The following PIP5K1B variants were observed in gnomAD, a reference collection of about 807,000 sequenced individuals.
The protein encoded by PIP5K1B is phosphatidylinositol 4-phosphate 5-kinase type-1 beta.
In PIP5K1B, 42 loss-of-function variants were observed where a neutral mutation model predicts 67.0. The observed-to-expected ratio is 0.63, with a 90% CI of 0.49 to 0.81. PIP5K1B has a LOEUF of 0.81. PIP5K1B is among the 30% of genes least tolerant of loss of function. The pLI, the probability that PIP5K1B is intolerant of heterozygous loss-of-function variation, is 0.00. For synonymous variants in PIP5K1B, 214 were observed against 231.4 expected, an observed-to-expected ratio of 0.92 and a Z score of 0.68; for missense variants, 459 against 646.3, an observed-to-expected ratio of 0.71 and a Z score of 3.14.
At chr9:68,929,196 C>T (rs904626753) in intron 12 of PIP5K1B, among the ~76,000 whole-genome samples, 2 of 148,418 alleles carry the variant, frequency 1.3e-5, no homozygotes, top group African/African-American at 5.0e-5. Flanking sequence ...AGTAAGGTGA[C>T]TGCTGTATCC....
At chr9:68,739,268 A>G (rs10735624) in intron 1 of PIP5K1B, among the ~76,000 whole-genome samples, 143,703 of 152,294 alleles carry the variant, frequency 0.94, 67,883 homozygotes, top group Non-Finnish European at 0.96. Context: ...TTCCCCTCTT[A>G]TCAGTCCTCA....
intron 1 of PIP5K1B, among the ~76,000 whole-genome samples, chr9:68,739,192 C>T (rs1483983978): frequency 4.6e-5 from 7 of 152,342 alleles, no homozygotes; most frequent in South Asian, 2.1e-4. Flanking sequence ...CATATCTTCA[C>T]ATTATCATTT....
intron 6 of PIP5K1B, among the ~76,000 whole-genome samples, chr9:68,879,567 C>CA (rs1226009452): frequency 4.7e-5 from 7 of 150,376 alleles, no homozygotes; most frequent in African/African-American, 1.7e-4. Context: ...GACTCCATCT[C>CA]AAAAAAATAA....
chr9:68,784,608 A>C (rs1230738587), intron 2 of PIP5K1B: 1 of 166,994 alleles, frequency 6.0e-6, no homozygotes, highest in Non-Finnish European at 1.5e-5. Context: ...AAATGAGGAA[A>C]GTGAGTCTGA....
At chr9:68,922,112 G>A (rs1293810389) in intron 11 of PIP5K1B, among the ~76,000 whole-genome samples, 2 of 152,094 alleles carry the variant, frequency 1.3e-5, no homozygotes, top group African/African-American at 4.8e-5. Flanking sequence ...CTGCCTTGTT[G>A]GAAGAATGTG....
rs58082390 is a variant in PIP5K1B at position 68,723,179 on chromosome 9, T to A, written c.-243+17417T>A. Among the ~76,000 whole-genome samples, 395 of 116,912 alleles carry A rather than the reference T, an allele frequency of 3.4e-3. 2 individuals carry two copies. Among genetic ancestry groups the A allele is most frequent in the Middle Eastern group, 0.013 (3 of 236 alleles). The allele number at this position is 116,912 out of a possible 152,430, so 76.7% of individuals were successfully genotyped here. On this transcript the variant is annotated intron_variant, in intron 1 of 15. Transcript: ENST00000265382. ...ATTCCTCTGTGTGTGTGTGTGTGTGTGAGAGAGAGAGAGAGAGAGGGAGAG... is the reference window on the plus strand; with the variant it reads ...ATTCCTCTGTGTGTGTGTGTGTGTGAGAGAGAGAGAGAGAGAGAGGGAGAG...
At chr9:68,939,388 T>C (rs1351075380) in intron 13 of PIP5K1B, among the ~76,000 whole-genome samples, 2 of 152,306 alleles carry the variant, frequency 1.3e-5, no homozygotes, top group Middle Eastern at 3.4e-3. Context: ...TGGCAATTCA[T>C]TGGAATCTGA....
chr9:68,773,350 G>A (rs1005453898), intron 2 of PIP5K1B, among the ~76,000 whole-genome samples: 4 of 152,272 alleles, frequency 2.6e-5, no homozygotes, highest in African/African-American at 7.2e-5. Flanking sequence ...GGCCTAGGAG[G>A]GTTTTAATGT....
chr9:68,889,329 T>C (rs954892763), intron 7 of PIP5K1B, among the ~76,000 whole-genome samples, 196 bp downstream of exon 7: 1 of 152,196 alleles, frequency 6.6e-6, no homozygotes, highest in Non-Finnish European at 1.5e-5. Context: ...CAGAGCATAC[T>C]TGTTGAATCC....
At chr9:68,780,399 C>T (rs773199874) in intron 2 of PIP5K1B, 3 of 1,613,918 alleles carry the variant, frequency 1.9e-6, no homozygotes, top group Non-Finnish European at 2.5e-6. Context: ...CTCCCCTGTC[C>T]GCATGCACAG....
chr9:68,964,411 C>T (rs527290442), intron 14 of PIP5K1B, among the ~76,000 whole-genome samples: 1 of 152,328 alleles, frequency 6.6e-6, no homozygotes, highest in East Asian at 1.9e-4. Flanking sequence ...CAGAACAGGA[C>T]ATGTATTAAT....
intron 2 of PIP5K1B, among the ~76,000 whole-genome samples, chr9:68,750,406 T>C (rs756798701): frequency 4.6e-5 from 7 of 152,254 alleles, no homozygotes; most frequent in Non-Finnish European, 1.0e-4. Flanking sequence ...CTGTCAGTGA[T>C]AGTTCTATTA....
intron 14 of PIP5K1B, among the ~76,000 whole-genome samples, chr9:68,957,762 T>TAC (rs1309821398): frequency 6.6e-6 from 1 of 152,186 alleles, no homozygotes; most frequent in Non-Finnish European, 1.5e-5. Context: ...AGTGGGGTCT[T>TAC]ACAGCCTACT....
At chr9:68,999,652 T>C (rs1830732398) in intron 15 of PIP5K1B, among the ~76,000 whole-genome samples, 1 of 152,028 alleles carries the variant, frequency 6.6e-6, no homozygotes, top group Non-Finnish European at 1.5e-5. Flanking sequence ...CCTGGAATTC[T>C]TGTATGCTAA....
At chr9:68,713,338 G>T (rs566719361) in intron 1 of PIP5K1B, among the ~76,000 whole-genome samples, 2 of 152,306 alleles carry the variant, frequency 1.3e-5, no homozygotes, top group Admixed American at 1.3e-4. Flanking sequence ...TGCAGAGGTT[G>T]CAATGAGCCA....
chr9:68,869,873 A>G (rs1231326787), intron 5 of PIP5K1B, among the ~76,000 whole-genome samples: 2 of 152,224 alleles, frequency 1.3e-5, no homozygotes, highest in Admixed American at 1.3e-4. Flanking sequence ...CCTGATCTAT[A>G]CAAACATTCT....
chr9:68,838,178 T>C (rs997567438), intron 4 of PIP5K1B, among the ~76,000 whole-genome samples: 1 of 148,814 alleles, frequency 6.7e-6, no homozygotes, highest in Non-Finnish European at 1.5e-5. Context: ...TGACAACCTG[T>C]TTTTTTTTTA....
chr9:68,810,881 G>A (rs1374793971), intron 2 of PIP5K1B, among the ~76,000 whole-genome samples: 1 of 152,182 alleles, frequency 6.6e-6, no homozygotes, highest in African/African-American at 2.4e-5. Context: ...ATTGAAAAAT[G>A]CGGTGCAATA....
chr9:68,918,458 T>C (rs2132519175), intron 9 of PIP5K1B, among the ~76,000 whole-genome samples: 1 of 152,328 alleles, frequency 6.6e-6, no homozygotes, highest in Non-Finnish European at 1.5e-5. Context: ...TTTGTCTGCC[T>C]AAGGGGATTC....
Sources: gnomAD v4.1 joint callset for allele counts (sites outside exome capture counted in the v4.1 genomes callset) on GRCh38, gnomAD v4.1.1 for gene constraint, MANE v1.5 for transcripts, NCBI Gene and HGNC (gene_info 2026-07-23, HGNC 2026-07-21) for gene names.